RALA: variants seen among roughly 807,000 people sequenced by gnomAD.
The protein encoded by RALA is ras-related protein Ral-A.
A neutral mutation model predicts 24.0 loss-of-function variants in RALA; 5 were observed. The observed-to-expected ratio is 0.21, with a 90% CI of 0.11 to 0.44. The LOEUF (loss-of-function observed/expected upper bound fraction) is 0.44, where lower values mean the gene tolerates loss of function less well. RALA is among the 20% of genes least tolerant of loss of function. The pLI, the probability that RALA is intolerant of heterozygous loss-of-function variation, is 0.99. For missense variants in RALA, 95 were observed against 241.2 expected, an observed-to-expected ratio of 0.39 and a Z score of 4.01; for synonymous variants, 77 against 83.8, an observed-to-expected ratio of 0.92 and a Z score of 0.44.
At chr7:39,645,289 G>T (rs980690400) in intron 1 of RALA, among the ~76,000 whole-genome samples, 11 of 152,104 alleles carry the variant, frequency 7.2e-5, no homozygotes, top group African/African-American at 2.7e-4. Context: ...AACCTATTTT[G>T]TAAATCCTGT....
intron 1 of RALA, among the ~76,000 whole-genome samples, chr7:39,643,475 C>G (rs1583711015): frequency 6.6e-6 from 1 of 152,232 alleles, no homozygotes; most frequent in East Asian, 1.9e-4. Context: ...AACCCCAGCA[C>G]TTTGAGAGGC....
chr7:39,641,116 T>C (rs934656083), intron 1 of RALA, among the ~76,000 whole-genome samples: 2 of 152,004 alleles, frequency 1.3e-5, no homozygotes, highest in African/African-American at 4.8e-5. Context: ...TTTAGTCCTG[T>C]TGTGATGGGG....
At chr7:39,701,849 C>T (rs983756908) in intron 4 of RALA, among the ~76,000 whole-genome samples, 2 of 152,208 alleles carry the variant, frequency 1.3e-5, no homozygotes, top group Non-Finnish European at 2.9e-5. Context: ...CACTCCGAGG[C>T]TAAAGGAACA....
chr7:39,664,990 T>A (rs986310920), intron 1 of RALA, among the ~76,000 whole-genome samples: 1 of 152,222 alleles, frequency 6.6e-6, no homozygotes, highest in Admixed American at 6.5e-5. Context: ...GTTTACAACA[T>A]AGACTCTTCC....
intron 1 of RALA, among the ~76,000 whole-genome samples, chr7:39,656,062 C>T (rs1436152291): frequency 6.6e-6 from 1 of 152,178 alleles, no homozygotes; most frequent in African/African-American, 2.4e-5. Context: ...TTGCATCAGT[C>T]CCTTTGGTGT....
In RALA at chr7:39,627,089, T is replaced by A. The variant is rs577625214; in HGVS notation, c.-38+3264T>A. ...TCTCTCTCTCTCTCTTTTTTTTTTT[T>A]AAAAGATGTACCCTTAAGTAAAAAA... On this transcript the variant is annotated intron_variant, in intron 1 of 4. Transcript: ENST00000005257. Among the ~76,000 whole-genome samples, 24 of 151,984 alleles carry A rather than the reference T, an allele frequency of 1.6e-4. No homozygotes were observed. The East Asian group carries it at 3.5e-3, about 22-fold the overall frequency.
Position 39,690,277 on chromosome 7 carries a change from A to G in RALA, c.115-105A>G, listed in dbSNP as rs148607765. 362 of 904,124 alleles carry G rather than the reference A, an allele frequency of 4.0e-4. 1 individual carries two copies. Among genetic ancestry groups the G allele is most frequent in the Middle Eastern group, 5.8e-4 (2 of 3,456 alleles). The allele number at this position is 904,124 out of a possible 1,614,324, so 56.0% of individuals were successfully genotyped here. On this transcript the variant is annotated intron_variant, in intron 2 of 4. Transcript: ENST00000005257. The stretch of plus-strand genomic sequence containing the variant: ...GGAATCTGGGCAAAGGGTATACAGA[A>G]CTCTTCTTGTACTATTTTGGCAGCT...
intron 1 of RALA, among the ~76,000 whole-genome samples, chr7:39,628,979 A>G (rs1791546116): frequency 6.6e-6 from 1 of 152,226 alleles, no homozygotes; most frequent in Non-Finnish European, 1.5e-5. Flanking sequence ...CTTAACTGCT[A>G]TCGTGTATGT....
intron 1 of RALA, among the ~76,000 whole-genome samples, chr7:39,640,353 T>G (rs1427615413): frequency 1.3e-5 from 2 of 152,256 alleles, no homozygotes; most frequent in Non-Finnish European, 2.9e-5. Flanking sequence ...GGTATCTTAC[T>G]GTGGTTTTCA....
intron 1 of RALA, among the ~76,000 whole-genome samples, chr7:39,680,469 G>A (rs553554623): frequency 1.3e-5 from 2 of 151,238 alleles, no homozygotes; most frequent in African/African-American, 2.4e-5. Flanking sequence ...CCAGCTGCTC[G>A]GAAGGCTGAG....
chr7:39,629,212 A>C (rs986842829), intron 1 of RALA, among the ~76,000 whole-genome samples: 6 of 152,172 alleles, frequency 3.9e-5, no homozygotes, highest in Non-Finnish European at 8.8e-5. Context: ...AGTGTATGAG[A>C]GTAGAGTGCT....
At chr7:39,634,232 C>T (rs1476550153) in intron 1 of RALA, among the ~76,000 whole-genome samples, 1 of 152,048 alleles carries the variant, frequency 6.6e-6, no homozygotes, top group Non-Finnish European at 1.5e-5. Context: ...AGCCCTCACT[C>T]ACCTTGGTCC....
intron 1 of RALA, among the ~76,000 whole-genome samples, chr7:39,665,203 T>G (rs1290651780): frequency 6.6e-6 from 1 of 152,136 alleles, no homozygotes; most frequent in Non-Finnish European, 1.5e-5. Flanking sequence ...GGACCAATCC[T>G]TCCTCTTCCT....
At chr7:39,683,065 C>T (rs1031221282) in intron 1 of RALA, among the ~76,000 whole-genome samples, 3 of 152,162 alleles carry the variant, frequency 2.0e-5, no homozygotes, top group African/African-American at 4.8e-5. Context: ...TTGTAAGAGG[C>T]AGCAAACTTG....
intron 4 of RALA, chr7:39,700,560 CAT>C (rs1266201566): frequency 1.3e-5 from 2 of 152,238 alleles, no homozygotes; most frequent in Admixed American, 6.5e-5. Context: ...CCTTTTATGA[CAT>C]AGTCTCTGAA....
chr7:39,643,447 G>A (rs1415525560), intron 1 of RALA, among the ~76,000 whole-genome samples: 4 of 152,196 alleles, frequency 2.6e-5, no homozygotes, highest in Non-Finnish European at 2.9e-5. Flanking sequence ...ACGGCCAGGC[G>A]CAGTGGCTCA....
intron 2 of RALA, among the ~76,000 whole-genome samples, chr7:39,687,444 C>A (rs574678513): frequency 5.3e-5 from 8 of 151,192 alleles, no homozygotes; most frequent in African/African-American, 1.2e-4. Flanking sequence ...AAAAAAAATT[C>A]TTTTAATAAA....
chr7:39,704,927 C>T (rs369155512), intron 4 of RALA, among the ~76,000 whole-genome samples: 23 of 152,258 alleles, frequency 1.5e-4, no homozygotes, highest in African/African-American at 5.1e-4. Flanking sequence ...CTGCCCGCCT[C>T]GGCCTCCCAG....
chr7:39,659,066 G>T (rs1420589303), intron 1 of RALA, among the ~76,000 whole-genome samples: 1 of 152,076 alleles, frequency 6.6e-6, no homozygotes, highest in African/African-American at 2.4e-5. Context: ...GATCACTTGA[G>T]CCCAGGAGTT....
Sources: allele counts gnomAD v4.1 joint callset (sites outside exome capture counted in the v4.1 genomes callset), GRCh38; gene constraint gnomAD v4.1.1; transcripts MANE v1.5; gene names NCBI Gene and HGNC (gene_info 2026-07-23, HGNC 2026-07-21).